CCDC13: variants seen among roughly 807,000 people sequenced by gnomAD.
The protein encoded by CCDC13 is coiled-coil domain-containing protein 13.
Under a neutral mutation model 87.3 loss-of-function variants are expected in CCDC13, and 70 were observed. That is an observed-to-expected ratio of 0.80 (90% confidence interval 0.66 to 0.98). CCDC13 has a LOEUF of 0.98. Among genes scored for constraint, CCDC13 ranks in the 50% least tolerant of loss-of-function variants. CCDC13 has a pLI of 0.00. For missense variants in CCDC13, 842 were observed against 892.0 expected (o/e 0.94, Z 0.71); for synonymous variants, 317 against 360.3 (o/e 0.88, Z 1.36).
intron 1 of CCDC13, among the ~76,000 whole-genome samples, chr3:42,766,261 G>A (rs1424302519): frequency 6.6e-6 from 1 of 152,138 alleles, no homozygotes; most frequent in African/African-American, 2.4e-5. Context: ...GGGTGGGTCT[G>A]GGGTTCAGAA....
intron 4 of CCDC13, among the ~76,000 whole-genome samples, 168 bp downstream of exon 4, chr3:42,752,407 C>T (rs1045385829): frequency 3.3e-5 from 5 of 152,130 alleles, no homozygotes; most frequent in Non-Finnish European, 2.9e-5. Flanking sequence ...TGTTGGAGGG[C>T]AACAGAATTG....
In CCDC13 at chr3:42,749,954, G is replaced by A. The variant is rs544776607; in HGVS notation, c.603+1982C>T. The A allele has an allele frequency of 4.4e-4, 202 of 456,608 alleles. 4 individuals are homozygous for A. Among genetic ancestry groups the A allele is most frequent in the South Asian group, 2.7e-3 (174 of 64,552 alleles). 28.3% of individuals were successfully genotyped at this position (456,608 alleles called of 1,614,324 possible). On this transcript the variant is annotated intron_variant, in intron 5 of 15. Transcript: ENST00000310232. ...GTGGCTCGGGCTTGGGCCGCCCTGA[G>A]CAGCCTATGAGGGGAAACATTGCTT...
chr3:42,762,454 T>G (rs978666346), intron 1 of CCDC13, among the ~76,000 whole-genome samples: 1 of 152,192 alleles, frequency 6.6e-6, no homozygotes, highest in Non-Finnish European at 1.5e-5. Context: ...TGTGATTCAT[T>G]GCCAGGTGCA....
At chr3:42,764,669 G>A (rs1699898306) in intron 1 of CCDC13, among the ~76,000 whole-genome samples, 2 of 152,120 alleles carry the variant, frequency 1.3e-5, no homozygotes, top group African/African-American at 2.4e-5. Flanking sequence ...TAAGCCCAGT[G>A]GCATCTCAGA....
chr3:42,722,987 C>T (rs1698603240), intron 13 of CCDC13, among the ~76,000 whole-genome samples: 1 of 151,856 alleles, frequency 6.6e-6, no homozygotes, highest in Non-Finnish European at 1.5e-5. Flanking sequence ...TTAGTAGAGA[C>T]GGGGTTTCAC....
intron 7 of CCDC13, 144 bp from the exon 8 acceptor site, chr3:42,743,201 T>TG: frequency 1.2e-6 from 1 of 827,078 alleles, no homozygotes; most frequent in Non-Finnish European, 1.9e-6. Flanking sequence ...GGACTAGGGG[T>TG]GGGGGACAAT....
At chr3:42,733,011 G>GCCTT in intron 11 of CCDC13, 41 bp from the exon 12 acceptor site, 1 of 1,514,884 alleles carries the variant, frequency 6.6e-7, no homozygotes, top group Non-Finnish European at 9.0e-7. Flanking sequence ...TGGGAAGGCA[G>GCCTT]ACCAGGCCCT....
At chr3:42,709,385 G>A (rs530153774) in intron 15 of CCDC13, among the ~76,000 whole-genome samples, 4 of 152,318 alleles carry the variant, frequency 2.6e-5, no homozygotes, top group Admixed American at 6.5e-5. Flanking sequence ...AGAGGTTCCC[G>A]TCTTTCCCTT....
chr3:42,743,676 A>T (rs949828676), intron 7 of CCDC13, among the ~76,000 whole-genome samples: 3 of 148,388 alleles, frequency 2.0e-5, no homozygotes, highest in Non-Finnish European at 3.0e-5. Context: ...TATATATAAA[A>T]TTTGGTAGAG....
intron 5 of CCDC13, among the ~76,000 whole-genome samples, chr3:42,749,221 C>A (rs546569201): frequency 6.6e-6 from 1 of 152,310 alleles, no homozygotes; most frequent in South Asian, 2.1e-4. Context: ...CTGCCACGCC[C>A]CGCCCTGCCT....
chr3:42,712,776 G>A (rs1429098510), intron 14 of CCDC13, among the ~76,000 whole-genome samples: 1 of 152,212 alleles, frequency 6.6e-6, no homozygotes. Context: ...GGCACAAAGG[G>A]ACTCCTCCCC....
rs777237768 is a variant in CCDC13 at position 42,765,620 on chromosome 3, G to T, written c.-6-7269C>A. The stretch of plus-strand genomic sequence containing the variant: ...CCCAGGTGAGCCTAACGTTCAGCTG[G>T]TTTGAGAATGAGAGGTGTTAAGCAC... On this transcript the variant is annotated intron_variant, in intron 1 of 15. Coordinates refer to ENST00000310232, the MANE Select transcript of CCDC13 (RefSeq NM_144719.4). 2.6e-5 allele frequency among the ~76,000 whole-genome samples: 4 copies of T among 152,288 alleles called. No individual in the cohort carries two copies. The East Asian group carries it at 7.7e-4, about 29-fold the overall frequency.
intron 13 of CCDC13, chr3:42,719,142 G>A (rs1463896151): frequency 3.3e-5 from 5 of 152,240 alleles, no homozygotes; most frequent in Non-Finnish European, 7.3e-5. Context: ...GGATTAATCT[G>A]TCTTGCACTC....
At chr3:42,761,122 T>C (rs1260014618) in intron 1 of CCDC13, among the ~76,000 whole-genome samples, 1 of 152,238 alleles carries the variant, frequency 6.6e-6, no homozygotes, top group African/African-American at 2.4e-5. Flanking sequence ...GTGTAGCCAG[T>C]GGTAAGCATC....
intron 13 of CCDC13, among the ~76,000 whole-genome samples, chr3:42,729,100 C>T (rs1698758911): frequency 1.3e-5 from 2 of 152,304 alleles, no homozygotes; most frequent in East Asian, 1.9e-4. Flanking sequence ...GCCACAGAAT[C>T]GTGAGAAAGC....
At chr3:42,740,028 G>C (rs1229980807) in intron 8 of CCDC13, among the ~76,000 whole-genome samples, 1 of 152,070 alleles carries the variant, frequency 6.6e-6, no homozygotes, top group Non-Finnish European at 1.5e-5. Context: ...CCTAGCACAT[G>C]ACAGCACTAA....
At chr3:42,730,783 T>C (rs1463737255) in intron 12 of CCDC13, among the ~76,000 whole-genome samples, 194 bp from the exon 13 acceptor site, 2 of 152,206 alleles carry the variant, frequency 1.3e-5, no homozygotes, top group Non-Finnish European at 2.9e-5. Flanking sequence ...CTGAAGTCCC[T>C]AGGCTCCAAA....
chr3:42,733,006 AG>A, intron 11 of CCDC13, 36 bp from the exon 12 acceptor site: 1 of 1,523,886 alleles, frequency 6.6e-7, no homozygotes. Flanking sequence ...CAGCCTGGGA[AG>A]GCAGACCAGG....
intron 6 of CCDC13, chr3:42,746,906 G>A: frequency 2.5e-6 from 1 of 401,360 alleles, no homozygotes; most frequent in Non-Finnish European, 4.7e-6. Flanking sequence ...GACATTAAGG[G>A]GAGACCCAGG....
Sources: allele counts gnomAD v4.1 joint callset (sites outside exome capture counted in the v4.1 genomes callset), GRCh38; gene constraint gnomAD v4.1.1; transcripts MANE v1.5; gene names NCBI Gene and HGNC (gene_info 2026-07-23, HGNC 2026-07-21).